ITCH: variants seen among roughly 807,000 people sequenced by gnomAD.
ITCH encodes E3 ubiquitin-protein ligase Itchy homolog.
Under a neutral mutation model 126.8 loss-of-function variants are expected in ITCH, and 28 were observed. That is an observed-to-expected ratio of 0.22 (90% CI 0.16 to 0.30). ITCH has a LOEUF of 0.30. ITCH is among the 10% of genes least tolerant of loss of function. The probability of loss-of-function intolerance (pLI) is 1.00; values close to 1 mark genes in which losing one functional copy is unlikely to be tolerated. For synonymous variants in ITCH, 342 were observed against 340.0 expected (o/e 1.01, Z -0.06); for missense variants, 631 against 1,032.4 (o/e 0.61, Z 5.33).
intron 2 of ITCH, among the ~76,000 whole-genome samples, chr20:34,385,189 A>ATGTGTG (rs150658162): frequency 2.3e-4 from 23 of 101,358 alleles, no homozygotes; most frequent in African/African-American, 3.6e-4. Flanking sequence ...AGCTAATTTT[A>ATGTGTG]TGTGTGTGTG....
At chr20:34,457,032 A>G (rs1383316150) in intron 12 of ITCH, among the ~76,000 whole-genome samples, 3 of 152,160 alleles carry the variant, frequency 2.0e-5, no homozygotes, top group African/African-American at 7.2e-5. Flanking sequence ...TCTTAAGGAT[A>G]AAGATGAATT....
chr20:34,422,930 G>T (rs1980975554), intron 6 of ITCH, among the ~76,000 whole-genome samples: 1 of 152,044 alleles, frequency 6.6e-6, no homozygotes, highest in African/African-American at 2.4e-5. Flanking sequence ...GAGTGGTTGG[G>T]ACTACAGGCG....
intron 13 of ITCH, among the ~76,000 whole-genome samples, chr20:34,460,328 A>G (rs1182429589): frequency 1.4e-5 from 2 of 143,432 alleles, no homozygotes; most frequent in Non-Finnish European, 3.0e-5. Context: ...AGCTTGGACT[A>G]TAGGCATGGG....
chr20:34,456,656 A>ATGTGTG lies in ITCH; in HGVS notation c.1211-733_1211-732insGTGTGT, dbSNP rs1443960313. Among the ~76,000 whole-genome samples, 20 of 143,448 alleles carry ATGTGTG rather than the reference A, an allele frequency of 1.4e-4. No homozygotes were observed. The East Asian group carries it at 2.9e-3, about 21-fold the overall frequency. The allele number at this position is 143,448 out of a possible 152,430, so 94.1% of individuals were successfully genotyped here. On this transcript the variant is annotated intron_variant, in intron 12 of 24. Coordinates refer to ENST00000374864, the MANE Select transcript of ITCH (RefSeq NM_031483.7). ...TCCAAAAAAAAAAATATATATATATATATGTGTGTGTGTGTGTATTTATAT... is the reference window on the plus strand; with the variant it reads ...TCCAAAAAAAAAAATATATATATATATGTGTGTATGTGTGTGTGTGTGTATTTATAT...
chr20:34,432,455 A>T (rs988658803), intron 7 of ITCH, among the ~76,000 whole-genome samples: 1 of 152,214 alleles, frequency 6.6e-6, no homozygotes, highest in South Asian at 2.1e-4. Context: ...CAAAAAACAT[A>T]TATATAGTTC....
At chr20:34,374,504 CGTT>C (rs898123812) in intron 2 of ITCH, among the ~76,000 whole-genome samples, 65 of 152,138 alleles carry the variant, frequency 4.3e-4, no homozygotes, top group African/African-American at 1.4e-3. Context: ...AAGTGTTAGT[CGTT>C]GTTTTCATTA....
chr20:34,505,502 A>G (rs1450224272), intron 24 of ITCH, among the ~76,000 whole-genome samples: 2 of 151,986 alleles, frequency 1.3e-5, no homozygotes, highest in South Asian at 2.1e-4. Context: ...TTCTGTCTCT[A>G]TGAATTTTCC....
chr20:34,371,531 G>A (rs1052549294), intron 2 of ITCH, among the ~76,000 whole-genome samples: 1 of 151,882 alleles, frequency 6.6e-6, no homozygotes, highest in African/African-American at 2.4e-5. Context: ...TGATCTGCCC[G>A]CCTCTGCCTC....
chr20:34,445,213 A>C, intron 10 of ITCH, 74 bp from the exon 11 acceptor site: 1 of 1,531,398 alleles, frequency 6.5e-7, no homozygotes, highest in Admixed American at 1.8e-5. Context: ...GTAGTTTCTC[A>C]AGGTAAAATA....
At chr20:34,496,144 C>G (rs533900623) in intron 23 of ITCH, among the ~76,000 whole-genome samples, 2 of 152,054 alleles carry the variant, frequency 1.3e-5, no homozygotes, top group South Asian at 4.2e-4. Context: ...CACATCCTTG[C>G]CAGCATTTGT....
At chr20:34,409,147 C>G (rs1425848343) in intron 4 of ITCH, among the ~76,000 whole-genome samples, 5 of 137,944 alleles carry the variant, frequency 3.6e-5, no homozygotes, top group Non-Finnish European at 4.7e-5. Context: ...ACTCCCCCCC[C>G]CCCCGGTTTT....
intron 23 of ITCH, among the ~76,000 whole-genome samples, chr20:34,495,921 T>TAA (rs35357680): frequency 0.019 from 959 of 49,954 alleles, 8 homozygotes; most frequent in Non-Finnish European, 0.028. Flanking sequence ...CTGAAAATAC[T>TAA]AAAAAAAAAA....
chr20:34,376,492 A>G (rs1441559947), intron 2 of ITCH, among the ~76,000 whole-genome samples: 3 of 152,050 alleles, frequency 2.0e-5, no homozygotes, highest in Admixed American at 2.0e-4. Context: ...CAGTTCAAAC[A>G]ATACCTCAAA....
At chr20:34,439,123 G>A (rs1173674196) in intron 8 of ITCH, among the ~76,000 whole-genome samples, 1 of 152,148 alleles carries the variant, frequency 6.6e-6, no homozygotes, top group East Asian at 1.9e-4. Flanking sequence ...CTGATAGCCA[G>A]AACAAATCTT....
intron 13 of ITCH, among the ~76,000 whole-genome samples, chr20:34,460,807 G>A (rs539221950): frequency 7.2e-5 from 11 of 152,146 alleles, no homozygotes; most frequent in African/African-American, 1.9e-4. Context: ...GATCACTTCC[G>A]GTCAGGAGTT....
chr20:34,453,993 C>T (rs935288597), intron 12 of ITCH, among the ~76,000 whole-genome samples: 4 of 151,170 alleles, frequency 2.6e-5, no homozygotes, highest in East Asian at 2.0e-4. Flanking sequence ...AGCAAGGCTC[C>T]GTCTCAAAAA....
At chr20:34,480,460 C>T (rs1988638461) in intron 18 of ITCH, 139 bp from the exon 19 acceptor site, 1 of 1,001,912 alleles carries the variant, frequency 1.0e-6, no homozygotes, top group Admixed American at 1.8e-5. Flanking sequence ...CCTCGGCCTC[C>T]CAGATTGCTG....
chr20:34,372,384 C>CTTT (rs779017298), intron 2 of ITCH, among the ~76,000 whole-genome samples: 5 of 93,156 alleles, frequency 5.4e-5, no homozygotes, highest in African/African-American at 2.3e-4. Flanking sequence ...TTAAGTTCTA[C>CTTT]TTTTTTTTTT....
intron 23 of ITCH, among the ~76,000 whole-genome samples, chr20:34,497,824 C>CA (rs1430874354): frequency 6.6e-6 from 1 of 152,002 alleles, no homozygotes; most frequent in East Asian, 1.9e-4. Flanking sequence ...GTGATCCGCC[C>CA]ACCTTGGCCT....
Sources: allele counts gnomAD v4.1 joint callset (sites outside exome capture counted in the v4.1 genomes callset), GRCh38; gene constraint gnomAD v4.1.1; transcripts MANE v1.5; gene names NCBI Gene and HGNC (gene_info 2026-07-23, HGNC 2026-07-21).